Variants in DISC1 observed in about 807,000 individuals in gnomAD.
The protein encoded by DISC1 is DISC1 scaffold protein.
DISC1 carries 57 observed loss-of-function variants against 84.5 expected under a neutral mutation model. That is an observed-to-expected ratio of 0.67 (90% CI 0.55 to 0.84). The LOEUF is 0.84. Among genes scored for constraint, DISC1 ranks in the 40% least tolerant of loss-of-function variants. The probability of loss-of-function intolerance (pLI) is 0.00; values close to 1 mark genes in which losing one functional copy is unlikely to be tolerated. For synonymous variants in DISC1, 411 were observed against 415.2 expected, an observed-to-expected ratio of 0.99 and a Z score of 0.12; for missense variants, 1,000 against 1,057.8, an observed-to-expected ratio of 0.95 and a Z score of 0.76.
At position 231,795,309 on chromosome 1, in the gene DISC1, A is replaced by C. The variant is rs766743294; in HGVS notation, c.1689+13A>C. ...AATCACTACTAAGGTAAGTACCTTT[A>C]TATTCCCATTTTCCAAAGAAGCCTA... On this transcript the variant is annotated intron_variant, in intron 7 of 12. Coordinates refer to ENST00000439617, the MANE Select transcript of DISC1 (RefSeq NM_018662.3). 7 of 1,608,264 alleles carry C rather than the reference A, an allele frequency of 4.4e-6. No homozygotes were observed. The highest frequency in any genetic ancestry group is 6.0e-6 in the Non-Finnish European group (7 of 1,175,046).
At chr1:231,628,533 G>A (rs1435702307) in intron 1 of DISC1, among the ~76,000 whole-genome samples, 1 of 152,058 alleles carries the variant, frequency 6.6e-6, no homozygotes, top group East Asian at 1.9e-4. Context: ...CATCTTTATG[G>A]GACTGGGATT....
intron 9 of DISC1, among the ~76,000 whole-genome samples, chr1:231,910,404 C>A (rs1361477829): frequency 2.0e-5 from 3 of 152,134 alleles, no homozygotes; most frequent in Non-Finnish European, 4.4e-5. Flanking sequence ...CAAAGAACAT[C>A]TTTATTTCTG....
chr1:231,706,696 G>A (rs1223566300), intron 3 of DISC1, among the ~76,000 whole-genome samples: 1 of 152,132 alleles, frequency 6.6e-6, no homozygotes, highest in Non-Finnish European at 1.5e-5. Context: ...CATTATGACA[G>A]AACTCTAGTA....
chr1:232,029,372 A>C (rs1163282236), intron 12 of DISC1, among the ~76,000 whole-genome samples: 2 of 152,366 alleles, frequency 1.3e-5, no homozygotes. Flanking sequence ...AGATAGAAAG[A>C]CATGTTTACA....
At chr1:231,928,151 C>T (rs927994634) in intron 9 of DISC1, among the ~76,000 whole-genome samples, 1 of 152,158 alleles carries the variant, frequency 6.6e-6, no homozygotes, top group African/African-American at 2.4e-5. Context: ...GTGAAGGGCC[C>T]TGAAAGGCAT....
intron 2 of DISC1, among the ~76,000 whole-genome samples, chr1:231,700,645 G>C (rs2066298317): frequency 6.6e-6 from 1 of 152,160 alleles, no homozygotes; most frequent in Non-Finnish European, 1.5e-5. Flanking sequence ...AGGGCCGACT[G>C]TATTATGTTT....
chr1:231,765,195 C>CAGAAA (rs2076073855), intron 4 of DISC1, among the ~76,000 whole-genome samples: 1 of 93,302 alleles, frequency 1.1e-5, no homozygotes, highest in African/African-American at 4.4e-5. Flanking sequence ...GTCCACCCTA[C>CAGAAA]AAAAAAAAAA....
chr1:231,713,734 T>TATATAGGAG (rs2068219067), intron 3 of DISC1, among the ~76,000 whole-genome samples: 1 of 99,150 alleles, frequency 1.0e-5, no homozygotes, highest in African/African-American at 3.3e-5. Context: ...AGGAGATATA[T>TATATAGGAG]ACATATATAT....
intron 4 of DISC1, among the ~76,000 whole-genome samples, chr1:231,766,072 T>C (rs1306186970): frequency 2.0e-5 from 3 of 151,920 alleles, no homozygotes; most frequent in African/African-American, 7.3e-5. Flanking sequence ...GGAGGATCAC[T>C]TGAGGTCAGG....
chr1:231,749,594 T>A (rs1342917601), intron 3 of DISC1, among the ~76,000 whole-genome samples: 1 of 151,846 alleles, frequency 6.6e-6, no homozygotes, highest in Non-Finnish European at 1.5e-5. Flanking sequence ...AAAATTATAG[T>A]TTTTTTCCCC....
At chr1:231,759,025 A>G (rs1463496787) in intron 4 of DISC1, among the ~76,000 whole-genome samples, 7 of 152,152 alleles carry the variant, frequency 4.6e-5, no homozygotes, top group African/African-American at 1.4e-4. Context: ...ACAAAGATCT[A>G]TCATGGTTTT....
intron 3 of DISC1, among the ~76,000 whole-genome samples, chr1:231,713,329 T>G (rs1170502154): frequency 6.6e-6 from 1 of 152,046 alleles, no homozygotes; most frequent in African/African-American, 2.4e-5. Context: ...AGCCCAGCCA[T>G]CAAATTTATT....
In DISC1 at chr1:232,040,096, A is replaced by C. The variant is rs1670721651; in HGVS notation, c.*3265A>C. 6.6e-6 allele frequency: 1 copy of C among 151,904 alleles called. No individual in the cohort carries two copies. Among genetic ancestry groups the C allele is most frequent in the Non-Finnish European group, 1.5e-5 (1 of 68,064 alleles). The allele number at this position is 151,904 out of a possible 1,614,324, so 9.4% of individuals were successfully genotyped here. A position where few individuals can be genotyped will look rare whatever the true frequency, so the allele number is the denominator to read the frequency against. On this transcript the variant is annotated 3_prime_UTR_variant, in exon 13 of 13. Transcript: ENST00000439617. ...AACCTCTACCTCCCAGGTTCAAGCT[A>C]TTCTACTGCCTCAGCCTCCCAAGTA...
At chr1:231,935,053 G>A (rs184730333) in intron 9 of DISC1, among the ~76,000 whole-genome samples, 5 of 152,318 alleles carry the variant, frequency 3.3e-5, no homozygotes, top group Admixed American at 6.5e-5. Flanking sequence ...TGCCAAATGG[G>A]ACAACGAAGG....
rs202013247 is a variant in DISC1, at chr1:231,800,142, G to A, written c.1724G>A (p.Arg575Lys). 279 of 1,611,660 alleles carry A rather than the reference G, an allele frequency of 1.7e-4. 1 individual carries two copies. The highest frequency in any genetic ancestry group is 2.2e-4 in the Admixed American group (13 of 59,824). ...AGTGAGAAATTCTGCAGCACCCTGA[G>A]GAAGAAAGTTAACGATATTGAAACC... ...CMSEKFCSTL[R>K]KKVNDIETQL... Residue 575 changes from arginine to lysine, a missense_variant, in exon 8 of 13, where the codon AGG becomes AAG. Arg to Lys is a conservative substitution (Grantham distance 26). Coordinates refer to ENST00000439617, the MANE Select transcript of DISC1 (RefSeq NM_018662.3).
At position 231,734,481 on chromosome 1, in the gene DISC1, G is replaced by GCT. The variant is rs5781667; in HGVS notation, c.1118-15427_1118-15426dup. Among the ~76,000 whole-genome samples, 25 of 150,394 alleles carry GCT rather than the reference G, an allele frequency of 1.7e-4. No homozygotes were observed. The South Asian group carries it at 3.4e-3, about 20-fold the overall frequency. ...TTTGCAAGGCCTATTGGCATCACGT[G>GCT]CTCTCTCTCTCTCTCTCTCACGCAC... On this transcript the variant is annotated intron_variant, in intron 3 of 12. Transcript: ENST00000439617.
intron 10 of DISC1, chr1:231,959,255 A>G: frequency 2.0e-6 from 2 of 998,610 alleles, no homozygotes; most frequent in East Asian, 2.2e-4. Context: ...GGCGGTTTAT[A>G]CATGGTTTGG....
chr1:231,797,349 G>A (rs1391432752), intron 7 of DISC1, among the ~76,000 whole-genome samples: 1 of 152,148 alleles, frequency 6.6e-6, no homozygotes. Flanking sequence ...TTTGCATACA[G>A]TCCTACTCCA....
At chr1:231,915,438 G>A (rs891816366) in intron 9 of DISC1, among the ~76,000 whole-genome samples, 6 of 152,206 alleles carry the variant, frequency 3.9e-5, no homozygotes, top group Admixed American at 1.3e-4. Context: ...CCAGGGCCAC[G>A]GCTAGCTGCA....
Sources: gnomAD v4.1 joint callset for allele counts (sites outside exome capture counted in the v4.1 genomes callset) on GRCh38, gnomAD v4.1.1 for gene constraint, MANE v1.5 for transcripts, NCBI Gene and HGNC (gene_info 2026-07-23, HGNC 2026-07-21) for gene names.